Variants in DCC observed in about 807,000 individuals in gnomAD.
DCC encodes the protein netrin receptor DCC.
In DCC, 58 loss-of-function variants were observed where a neutral mutation model predicts 172.5. The ratio of observed to expected loss-of-function variants is 0.34; its 90% CI spans 0.27 to 0.42. DCC has a LOEUF of 0.42. DCC is among the 10% of genes least tolerant of loss of function. The probability of loss-of-function intolerance (pLI) is 1.00; values close to 1 mark genes in which losing one functional copy is unlikely to be tolerated. For missense variants in DCC, 1,740 were observed against 1,791.0 expected (o/e 0.97, Z 0.51); for synonymous variants, 709 against 644.5 (o/e 1.10, Z -1.52).
chr18:52,891,754 G>A (rs1038800556), intron 2 of DCC, among the ~76,000 whole-genome samples: 2 of 152,030 alleles, frequency 1.3e-5, no homozygotes, highest in African/African-American at 4.8e-5. Context: ...AATAGGTTCT[G>A]TTCATTATAC....
intron 13 of DCC, among the ~76,000 whole-genome samples, chr18:53,321,527 G>A (rs1189018407): frequency 6.6e-6 from 1 of 152,120 alleles, no homozygotes; most frequent in Non-Finnish European, 1.5e-5. Flanking sequence ...TATATCTCTT[G>A]TGTGGAAGCT....
At chr18:52,555,422 C>T (rs1224348727) in intron 1 of DCC, among the ~76,000 whole-genome samples, 6 of 151,976 alleles carry the variant, frequency 3.9e-5, no homozygotes, top group Non-Finnish European at 5.9e-5. Context: ...TAGAGTCAGT[C>T]GATGTTTCCT....
chr18:53,365,066 C>A (rs1235786090), intron 15 of DCC, among the ~76,000 whole-genome samples: 1 of 151,912 alleles, frequency 6.6e-6, no homozygotes, highest in African/African-American at 2.4e-5. Flanking sequence ...CTAATACTAT[C>A]CCTCCCCCCT....
chr18:52,861,530 A>C (rs1342238696), intron 2 of DCC, among the ~76,000 whole-genome samples: 10 of 152,346 alleles, frequency 6.6e-5, no homozygotes, highest in Non-Finnish European at 1.3e-4. Context: ...AATCATGTAG[A>C]TAGAAGGGTA....
In DCC at chr18:53,535,170, G is replaced by A. The variant is rs1344246727; in HGVS notation, c.*4517G>A. The A allele has an allele frequency of 6.6e-6, 1 of 152,008 alleles. No individual in the cohort carries two copies. The highest frequency in any genetic ancestry group is 1.5e-5 in the Non-Finnish European group (1 of 67,986). 9.4% of individuals were successfully genotyped at this position (152,008 alleles called of 1,614,324 possible). On this transcript the variant is annotated 3_prime_UTR_variant, in exon 29 of 29. Transcript: ENST00000442544. ...GTTTGGGGGAAGGGTGGGCGGGTAT[G>A]GGGTGTACTTTTTATAAGTAATATT...
intron 1 of DCC, among the ~76,000 whole-genome samples, chr18:52,546,105 C>T (rs568460879): frequency 1.1e-4 from 17 of 152,250 alleles, no homozygotes; most frequent in Middle Eastern, 3.4e-3. Flanking sequence ...GTGGCTTGCA[C>T]TTGATTCGAG....
At chr18:52,379,516 G>A (rs571536363) in intron 1 of DCC, among the ~76,000 whole-genome samples, 111 of 152,228 alleles carry the variant, frequency 7.3e-4, no homozygotes, top group African/African-American at 2.5e-3. Flanking sequence ...TGTTATGACT[G>A]TTTTCAGCTA....
At chr18:52,626,520 A>T (rs993267432) in intron 1 of DCC, among the ~76,000 whole-genome samples, 1 of 152,046 alleles carries the variant, frequency 6.6e-6, no homozygotes, top group Non-Finnish European at 1.5e-5. Context: ...TAAAACCTCA[A>T]TTAGGTTGTC....
chr18:52,792,185 C>T (rs1206157378), intron 2 of DCC, among the ~76,000 whole-genome samples: 1 of 151,030 alleles, frequency 6.6e-6, no homozygotes, highest in Non-Finnish European at 1.5e-5. Context: ...GTGATGCTCA[C>T]TGTGGGGGGT....
chr18:53,304,824 G>T (rs1046250708), intron 12 of DCC, among the ~76,000 whole-genome samples: 1 of 151,960 alleles, frequency 6.6e-6, no homozygotes, highest in African/African-American at 2.4e-5. Context: ...TTAGTTTTCC[G>T]GCTCTCTTCT....
chr18:52,804,776 G>GT (rs1366278358), intron 2 of DCC, among the ~76,000 whole-genome samples: 1 of 152,088 alleles, frequency 6.6e-6, no homozygotes, highest in African/African-American at 2.4e-5. Flanking sequence ...TAGAGACGGG[G>GT]TTTCACCATG....
At chr18:53,155,162 G>A (rs959907959) in intron 7 of DCC, among the ~76,000 whole-genome samples, 8 of 151,204 alleles carry the variant, frequency 5.3e-5, no homozygotes, top group Admixed American at 2.6e-4. Flanking sequence ...ATTGTATATC[G>A]ATAATGTTTC....
chr18:52,826,103 C>T (rs2145283757), intron 2 of DCC, among the ~76,000 whole-genome samples: 1 of 152,284 alleles, frequency 6.6e-6, no homozygotes, highest in East Asian at 1.9e-4. Context: ...ACCCTCAAAA[C>T]ATTTACTGAA....
intron 26 of DCC, among the ~76,000 whole-genome samples, chr18:53,495,740 C>A (rs2046014599): frequency 6.6e-6 from 1 of 152,190 alleles, no homozygotes. Flanking sequence ...CTCCCCGTCA[C>A]TTTCAGGTAC....
chr18:52,594,360 C>G (rs888610189), intron 1 of DCC, among the ~76,000 whole-genome samples: 16 of 152,250 alleles, frequency 1.1e-4, no homozygotes, highest in African/African-American at 2.9e-4. Context: ...TTTTCCAAGC[C>G]CAGTATCCCT....
chr18:52,709,617 C>T (rs537137582), intron 1 of DCC, among the ~76,000 whole-genome samples: 17 of 152,254 alleles, frequency 1.1e-4, no homozygotes, highest in African/African-American at 3.8e-4. Context: ...ACACCAGATG[C>T]TTTCACAGAA....
intron 5 of DCC, among the ~76,000 whole-genome samples, chr18:53,002,599 A>G (rs974913130): frequency 1.3e-5 from 2 of 152,134 alleles, no homozygotes; most frequent in African/African-American, 4.8e-5. Flanking sequence ...AACTCTGTGC[A>G]TCATTCCTTT....
intron 25 of DCC, among the ~76,000 whole-genome samples, chr18:53,477,312 A>C (rs2045777697): frequency 6.6e-6 from 1 of 152,182 alleles, no homozygotes; most frequent in Admixed American, 6.5e-5. Context: ...CCTGGCCCAA[A>C]TAAATTCTTA....
intron 2 of DCC, among the ~76,000 whole-genome samples, chr18:52,764,859 G>A (rs2037218548): frequency 6.6e-6 from 1 of 151,948 alleles, no homozygotes; most frequent in Non-Finnish European, 1.5e-5. Flanking sequence ...AACTATCTTG[G>A]GATTCCTCTT....
Sources: gnomAD v4.1 joint callset for allele counts (sites outside exome capture counted in the v4.1 genomes callset) on GRCh38, gnomAD v4.1.1 for gene constraint, MANE v1.5 for transcripts, NCBI Gene and HGNC (gene_info 2026-07-23, HGNC 2026-07-21) for gene names.